Variants in CFAP20DC observed in about 807,000 individuals in gnomAD.
CFAP20DC encodes protein CFAP20DC.
CFAP20DC carries 84 observed loss-of-function variants against 101.7 expected under a neutral mutation model. The ratio of observed to expected loss-of-function variants is 0.83; its 90% confidence interval spans 0.69 to 0.99. CFAP20DC has a LOEUF of 0.99. Ranked by LOEUF, CFAP20DC falls within the 50% of genes least tolerant of loss-of-function variation. The pLI is 0.00. For synonymous variants in CFAP20DC, 359 were observed against 351.2 expected, an observed-to-expected ratio of 1.02 and a Z score of -0.25; for missense variants, 1,007 against 970.3, an observed-to-expected ratio of 1.04 and a Z score of -0.50.
At chr3:59,047,518 T>C (rs1285735617) in intron 1 of CFAP20DC, among the ~76,000 whole-genome samples, 1 of 151,250 alleles carries the variant, frequency 6.6e-6, no homozygotes, top group Non-Finnish European at 1.5e-5. Flanking sequence ...AACCCTACAG[T>C]ATCTCAGTGG....
rs554481768 is a variant in CFAP20DC at position 58,937,194 on chromosome 3, C to T, written c.393+454G>A. On this transcript the variant is annotated intron_variant, in intron 5 of 16. Transcript: ENST00000482387. ...TTAGGGCTCTTTTTCAATCTGGCAA[C>T]AAGATTAATTGTTCACTGTTCTCCG... Among the ~76,000 whole-genome samples the T allele has an allele frequency of 5.9e-5, 9 of 152,266 alleles. No homozygotes were observed. The East Asian group carries it at 1.7e-3, about 29-fold the overall frequency.
chr3:58,993,552 A>AT (rs2093010482), intron 4 of CFAP20DC, among the ~76,000 whole-genome samples: 1 of 152,080 alleles, frequency 6.6e-6, no homozygotes, highest in Admixed American at 6.6e-5. Flanking sequence ...CTCATCACCC[A>AT]TTAGCTATTC....
intron 14 of CFAP20DC, chr3:58,824,421 G>C (rs780970318): frequency 6.6e-6 from 1 of 152,128 alleles, no homozygotes; most frequent in Non-Finnish European, 1.5e-5. Flanking sequence ...CTATGTGCTA[G>C]TGCCAGGAAA....
In CFAP20DC at chr3:58,792,567, T is replaced by C. The variant is rs532415754; in HGVS notation, c.2237+13828A>G. On this transcript the variant is annotated intron_variant, in intron 15 of 16. Coordinates refer to ENST00000482387, the MANE Select transcript of CFAP20DC (RefSeq NM_001394063.1). Reference sequence around the variant, plus strand: ...TCTCTATTTTACTTATATAAAAATATAAACCTCTTAAAAACTTTTACTTTC... The same window carrying C: ...TCTCTATTTTACTTATATAAAAATACAAACCTCTTAAAAACTTTTACTTTC... 3.9e-5 allele frequency among the ~76,000 whole-genome samples: 6 copies of C among 152,206 alleles called. No individual in the cohort carries two copies. The South Asian group carries it at 1.2e-3, about 32-fold the overall frequency.
chr3:58,949,631 A>G (rs2089835642), intron 4 of CFAP20DC, among the ~76,000 whole-genome samples: 1 of 152,156 alleles, frequency 6.6e-6, no homozygotes, highest in Non-Finnish European at 1.5e-5. Context: ...GTTTGATTGC[A>G]CAATCCAGCA....
intron 4 of CFAP20DC, among the ~76,000 whole-genome samples, chr3:59,031,137 T>A (rs1220219642): frequency 6.6e-6 from 1 of 152,204 alleles, no homozygotes; most frequent in Admixed American, 6.5e-5. Flanking sequence ...TAAGTTTTTT[T>A]AAATTAGTTA....
At chr3:59,033,543 T>C (rs1385340782) in intron 4 of CFAP20DC, among the ~76,000 whole-genome samples, 1 of 151,896 alleles carries the variant, frequency 6.6e-6, no homozygotes. Context: ...CACAAGAATT[T>C]CGTGAAGCGT....
At chr3:58,867,049 G>A (rs1046029047) in intron 10 of CFAP20DC, among the ~76,000 whole-genome samples, 3 of 152,144 alleles carry the variant, frequency 2.0e-5, no homozygotes, top group African/African-American at 7.2e-5. Flanking sequence ...TACTAAATGG[G>A]ACTCTTTTTG....
chr3:58,888,995 T>C (rs1354294050), intron 6 of CFAP20DC, among the ~76,000 whole-genome samples: 3 of 152,036 alleles, frequency 2.0e-5, no homozygotes, highest in African/African-American at 4.8e-5. Context: ...ATTGTTTTTT[T>C]TTTTTACTTT....
chr3:58,949,538 T>C (rs1019664243), intron 4 of CFAP20DC, among the ~76,000 whole-genome samples: 7 of 152,174 alleles, frequency 4.6e-5, no homozygotes, highest in Non-Finnish European at 2.9e-5. Flanking sequence ...CATTTCGTTA[T>C]GTATCCAGTA....
downstream of CFAP20DC, among the ~76,000 whole-genome samples, chr3:58,741,772 A>G (rs1382373296): frequency 6.6e-6 from 1 of 151,982 alleles, no homozygotes; most frequent in African/African-American, 2.4e-5. Flanking sequence ...TTTTTTTTTA[A>G]AAGAAAAATA....
chr3:58,783,168 A>G (rs764985996), intron 15 of CFAP20DC, among the ~76,000 whole-genome samples: 1 of 152,132 alleles, frequency 6.6e-6, no homozygotes, highest in Non-Finnish European at 1.5e-5. Context: ...TGCCAAGAAC[A>G]TACATTCAGG....
At chr3:58,853,438 T>G (rs1287071280) in intron 12 of CFAP20DC, among the ~76,000 whole-genome samples, 1 of 152,166 alleles carries the variant, frequency 6.6e-6, no homozygotes, top group Non-Finnish European at 1.5e-5. Context: ...CTTCTGAAAC[T>G]ATTCCAATCA....
rs566928861 is a variant in CFAP20DC, at chr3:58,952,450, G to A, written c.279-14688C>T. Among the ~76,000 whole-genome samples the A allele has an allele frequency of 2.0e-5, 3 of 152,232 alleles. No homozygotes were observed. In the East Asian group the frequency reaches 5.8e-4, roughly 29 times the overall value. On this transcript the variant is annotated intron_variant, in intron 4 of 16. Coordinates refer to ENST00000482387, the MANE Select transcript of CFAP20DC (RefSeq NM_001394063.1). ...GCTGTCTTGGGTGATCAGATTGACT[G>A]TCACCGTATTGCAGTGCTTGTATTC...
chr3:58,981,070 A>T (rs1430281099), intron 4 of CFAP20DC, among the ~76,000 whole-genome samples: 1 of 152,138 alleles, frequency 6.6e-6, no homozygotes, highest in Non-Finnish European at 1.5e-5. Flanking sequence ...TAACAGACAA[A>T]CAGAGAGCCA....
chr3:59,022,966 C>T (rs1004292665), intron 4 of CFAP20DC, among the ~76,000 whole-genome samples: 2 of 152,004 alleles, frequency 1.3e-5, no homozygotes, highest in Non-Finnish European at 2.9e-5. Context: ...AATTCTCCTG[C>T]CTTTACATAT....
At chr3:58,792,360 G>C (rs1405422716) in intron 15 of CFAP20DC, among the ~76,000 whole-genome samples, 4 of 152,046 alleles carry the variant, frequency 2.6e-5, no homozygotes, top group Non-Finnish European at 4.4e-5. Flanking sequence ...ACCTACTTAA[G>C]TAAAGCCATT....
At chr3:58,973,156 A>G (rs2092051595) in intron 4 of CFAP20DC, among the ~76,000 whole-genome samples, 1 of 152,188 alleles carries the variant, frequency 6.6e-6, no homozygotes. Flanking sequence ...TTATATGTTC[A>G]TAACTCAATC....
chr3:59,024,081 A>G (rs1193941260), intron 4 of CFAP20DC, among the ~76,000 whole-genome samples: 1 of 152,158 alleles, frequency 6.6e-6, no homozygotes, highest in African/African-American at 2.4e-5. Context: ...CTCCTTTTCT[A>G]TGAATGGAAA....
Sources: gnomAD v4.1 joint callset for allele counts (sites outside exome capture counted in the v4.1 genomes callset) on GRCh38, gnomAD v4.1.1 for gene constraint, MANE v1.5 for transcripts, NCBI Gene and HGNC (gene_info 2026-07-23, HGNC 2026-07-21) for gene names.